The following SFXN5 variants were observed in gnomAD, a reference collection of about 807,000 sequenced individuals.
SFXN5 encodes the protein sideroflexin 5, also known as sideroflexin-5.
Under a neutral mutation model 50.2 loss-of-function variants are expected in SFXN5, and 43 were observed. That is an observed-to-expected ratio of 0.86 (90% CI 0.67 to 1.11). The LOEUF is 1.11. SFXN5 is among the 50% of genes least tolerant of loss of function. SFXN5 has a pLI of 0.00. For synonymous variants in SFXN5, 203 were observed against 185.8 expected, an observed-to-expected ratio of 1.09 and a Z score of -0.75; for missense variants, 463 against 454.1, an observed-to-expected ratio of 1.02 and a Z score of -0.18.
rs2105457868 is a variant in SFXN5, at chr2:72,971,621, G to A, written c.690C>T (p.Val230=). ...CCACGAGGTTGCCATCGCTGTCCAG[G>A]ACATCAATCCCTTCCTCCAGCTCCC... The part of the protein sequence containing the change: ...RYGELEEGID[V]LDSDGNLVGS... Residue 230 remains valine, a synonymous_variant, in exon 11 of 14, where the codon GTC becomes GTT. Coordinates refer to ENST00000272433, the MANE Select transcript of SFXN5 (RefSeq NM_144579.3). 1.2e-6 allele frequency: 2 copies of A among 1,614,030 alleles called. No individual in the cohort carries two copies. The highest frequency in any genetic ancestry group is 1.7e-6 in the Non-Finnish European group (2 of 1,179,968).
intron 1 of SFXN5, among the ~76,000 whole-genome samples, chr2:73,070,065 T>C (rs1165077972): frequency 1.3e-5 from 2 of 152,162 alleles, no homozygotes; most frequent in Non-Finnish European, 2.9e-5. Context: ...GGAGGAAGCC[T>C]GCGATCTGAT....
rs1673614578 is a variant in SFXN5 at position 72,960,611 on chromosome 2, C to T, written c.945+520G>A. ...GCACAGCCCTTAGGAGGACATTCAC[C>T]CTCTCTGTTCTGGCTTCCAAGTTCC... On this transcript the variant is annotated intron_variant, in intron 13 of 13. Coordinates refer to ENST00000272433, the MANE Select transcript of SFXN5 (RefSeq NM_144579.3). This position sits in a 1 kb window ranked among gnomAD's most constrained non-coding sequence, Gnocchi z 6.1. 2.6e-5 allele frequency among the ~76,000 whole-genome samples: 4 copies of T among 152,078 alleles called. No homozygotes were observed. Among genetic ancestry groups the T allele is most frequent in the Admixed American group, 2.6e-4 (4 of 15,268 alleles).
intron 2 of SFXN5, among the ~76,000 whole-genome samples, chr2:73,051,351 C>T (rs753840303): frequency 4.5e-4 from 68 of 150,070 alleles, no homozygotes; most frequent in Admixed American, 1.5e-3. Context: ...CTCTGCTTCC[C>T]GGGTTCAAGC....
At chr2:73,044,970 G>A (rs1559195765) in intron 2 of SFXN5, among the ~76,000 whole-genome samples, 1 of 152,216 alleles carries the variant, frequency 6.6e-6, no homozygotes, top group Non-Finnish European at 1.5e-5. Flanking sequence ...CGATGGAGGG[G>A]AATGGGGACA....
At chr2:72,947,566 GA>G (rs1672094097) in intron 13 of SFXN5, among the ~76,000 whole-genome samples, 1 of 152,384 alleles carries the variant, frequency 6.6e-6, no homozygotes, top group East Asian at 1.9e-4. Context: ...GAAGTGGGCA[GA>G]AGGTGGTACA....
chr2:72,952,415 C>T (rs1356458869), intron 13 of SFXN5, among the ~76,000 whole-genome samples: 2 of 152,178 alleles, frequency 1.3e-5, no homozygotes, highest in East Asian at 3.9e-4. Context: ...CTACAGTAGT[C>T]CCCTGCCCCA....
chr2:73,053,632 T>G (rs1292390092), intron 2 of SFXN5: 1 of 152,184 alleles, frequency 6.6e-6, no homozygotes, highest in East Asian at 1.9e-4. Context: ...GTGAGGTCAT[T>G]TATAAACTAC....
chr2:72,981,039 A>C (rs1274408596), intron 10 of SFXN5: 2 of 152,190 alleles, frequency 1.3e-5, no homozygotes, highest in Non-Finnish European at 2.9e-5. Flanking sequence ...AGCTGCTTGG[A>C]AACAGGTGCC....
At chr2:73,008,249 G>A (rs1674980610) in intron 6 of SFXN5, among the ~76,000 whole-genome samples, 1 of 152,190 alleles carries the variant, frequency 6.6e-6, no homozygotes, top group Non-Finnish European at 1.5e-5. Context: ...TTAACCTAAG[G>A]CCACCAGACC....
chr2:72,978,884 C>T (rs1367831753), intron 10 of SFXN5, among the ~76,000 whole-genome samples: 1 of 152,036 alleles, frequency 6.6e-6, no homozygotes, highest in Non-Finnish European at 1.5e-5. Context: ...CCAGGAGAAA[C>T]TCTTACTCAT....
intron 2 of SFXN5, among the ~76,000 whole-genome samples, chr2:73,048,754 C>T (rs1404418349): frequency 6.6e-6 from 1 of 152,176 alleles, no homozygotes; most frequent in Non-Finnish European, 1.5e-5. Context: ...AGTAACATTG[C>T]AATTAATATC....
At chr2:72,991,086 A>T (rs1260728770) in intron 9 of SFXN5, among the ~76,000 whole-genome samples, 2 of 152,324 alleles carry the variant, frequency 1.3e-5, no homozygotes, top group East Asian at 3.9e-4. Flanking sequence ...ACCCTTCCCC[A>T]TGACAGCCTC....
In SFXN5 at chr2:72,944,953, G is replaced by A. The variant is rs1296839532; in HGVS notation, c.*69C>T. ...CGTGCTGCTCCCTGCAGGTGCAGCC[G>A]TGAGTCTACGGCCCTGCCCCTCAGC... On this transcript the variant is annotated 3_prime_UTR_variant, in exon 14 of 14. Coordinates refer to ENST00000272433, the MANE Select transcript of SFXN5 (RefSeq NM_144579.3). 2.5e-5 allele frequency: 36 copies of A among 1,462,366 alleles called. No individual in the cohort carries two copies. The East Asian group carries it at 5.2e-4, about 21-fold the overall frequency. 90.6% of individuals were successfully genotyped at this position (1,462,366 alleles called of 1,614,324 possible). A position where few individuals can be genotyped will look rare whatever the true frequency, so the allele number is the denominator to read the frequency against.
chr2:73,053,833 C>A (rs971814146), intron 2 of SFXN5, among the ~76,000 whole-genome samples: 1 of 152,122 alleles, frequency 6.6e-6, no homozygotes, highest in Non-Finnish European at 1.5e-5. Context: ...CAAATGAGCT[C>A]ATCCAAATTT....
chr2:73,023,265 A>AT, intron 3 of SFXN5, 51 bp from the exon 4 acceptor site: 1 of 1,541,098 alleles, frequency 6.5e-7, no homozygotes, highest in Non-Finnish European at 8.8e-7. Context: ...TTAAAAGCAT[A>AT]TATCGGTTTA....
intron 2 of SFXN5, chr2:73,050,002 C>T (rs935816954): frequency 6.6e-6 from 1 of 151,554 alleles, no homozygotes; most frequent in East Asian, 1.9e-4. Context: ...GTACCAGGTC[C>T]TCAGTAAATC....
At chr2:73,011,568 A>T (rs192547594) in intron 6 of SFXN5, among the ~76,000 whole-genome samples, 1 of 152,322 alleles carries the variant, frequency 6.6e-6, no homozygotes, top group African/African-American at 2.4e-5. Context: ...TTACAAATCA[A>T]CTAGAAAAAT....
chr2:72,958,202 C>G (rs1007437025), intron 13 of SFXN5, among the ~76,000 whole-genome samples: 1 of 152,192 alleles, frequency 6.6e-6, no homozygotes, highest in Admixed American at 6.5e-5. Flanking sequence ...CGTTTCCTAC[C>G]ACCCACCACA....
intron 8 of SFXN5, 116 bp from the exon 9 acceptor site, chr2:72,999,130 A>G (rs732180): frequency 0.27 from 284,550 of 1,067,690 alleles, 44,781 homozygotes; most frequent in African/African-American, 0.64. Context: ...GAAAGTGGGT[A>G]GAAGGAAGAG....
Sources: gnomAD v4.1 joint callset for allele counts (sites outside exome capture counted in the v4.1 genomes callset) on GRCh38, gnomAD v4.1.1 for gene constraint, Gnocchi (gnomAD v3.1) non-coding constraint, MANE v1.5 for transcripts, NCBI Gene and HGNC (gene_info 2026-07-23, HGNC 2026-07-21) for gene names.